GALNT18: variants seen among roughly 807,000 people sequenced by gnomAD.
GALNT18 encodes the protein polypeptide N-acetylgalactosaminyltransferase 18.
Under a neutral mutation model 69.5 loss-of-function variants are expected in GALNT18, and 44 were observed. The observed-to-expected ratio is 0.63, with a 90% CI of 0.50 to 0.81. The LOEUF is 0.81. Ranked by LOEUF, GALNT18 falls within the 40% of genes least tolerant of loss-of-function variation. GALNT18 has a pLI of 0.00. For synonymous variants in GALNT18, 364 were observed against 318.2 expected (o/e 1.14, Z -1.53); for missense variants, 715 against 810.0 (o/e 0.88, Z 1.42).
rs1190037295 is a variant in GALNT18 at position 11,448,932 on chromosome 11, A to T, written c.240T>A (p.Ala80=). The part of the protein sequence containing the change: ...ENVIKQHIQE[A]PAKPEEAEAE... The stretch of plus-strand genomic sequence containing the variant: ...CCTCTGCCTCCTCAGGCTTGGCAGG[A>T]GCCTCTGGAGAAAGAAGGAACAGGA... The change falls in exon 2 of 11, where the codon GCT becomes GCA. Residue 80 remains alanine (A), a synonymous_variant. Transcript: ENST00000227756. 1 of 1,581,374 alleles carries T rather than the reference A, an allele frequency of 6.3e-7. No individual in the cohort carries two copies. The highest frequency in any genetic ancestry group is 8.6e-7 in the Non-Finnish European group (1 of 1,164,410).
rs147797521 is a variant in GALNT18, at chr11:11,417,696, T to C, written c.595+14925A>G. 3.6e-3 allele frequency among the ~76,000 whole-genome samples: 545 copies of C among 152,262 alleles called. 5 individuals are homozygous for C. The highest frequency in any genetic ancestry group is 0.012 in the African/African-American group (493 of 41,572). On this transcript the variant is annotated intron_variant, in intron 3 of 10. Coordinates refer to ENST00000227756, the MANE Select transcript of GALNT18 (RefSeq NM_198516.3). ...TTGCCTTGCATCGGCCCACATCCCA[T>C]ATTCACACTGTCTAGCCTTGTTAGG...
At chr11:11,344,674 C>G (rs1589923223) in intron 6 of GALNT18, among the ~76,000 whole-genome samples, 1 of 152,360 alleles carries the variant, frequency 6.6e-6, no homozygotes. Context: ...GGTTACTTCC[C>G]TCCCAAGCCT....
rs765959645 is a variant in GALNT18 at position 11,546,170 on chromosome 11, G to C, written c.235+75189C>G. On this transcript the variant is annotated intron_variant, in intron 1 of 10. Transcript: ENST00000227756. This position sits in a 1 kb window ranked among gnomAD's most constrained non-coding sequence, Gnocchi z 5.8. ...AGGCTTACAAGCCCAAAGTGAGCCAGTTGTTTGAGCTACCCTTGAGCCACA... is the reference window on the plus strand; with the variant it reads ...AGGCTTACAAGCCCAAAGTGAGCCACTTGTTTGAGCTACCCTTGAGCCACA... 2.6e-5 allele frequency among the ~76,000 whole-genome samples: 4 copies of C among 152,148 alleles called. No individual in the cohort carries two copies. The highest frequency in any genetic ancestry group is 5.9e-5 in the Non-Finnish European group (4 of 68,038).
intron 1 of GALNT18, among the ~76,000 whole-genome samples, chr11:11,495,710 C>T (rs1300081471): frequency 6.6e-6 from 1 of 152,180 alleles, no homozygotes; most frequent in Admixed American, 6.5e-5. Context: ...AACTTGAAGA[C>T]CCACCAGGAA....
chr11:11,491,841 C>T (rs1413766106), intron 1 of GALNT18, among the ~76,000 whole-genome samples: 1 of 152,126 alleles, frequency 6.6e-6, no homozygotes, highest in East Asian at 1.9e-4. Context: ...AGTCACTCCC[C>T]TCCAGAAGCA....
Position 11,536,944 on chromosome 11 carries a change from A to T in GALNT18, c.235+84415T>A, listed in dbSNP as rs1857786768. Among the ~76,000 whole-genome samples, 4 of 152,344 alleles carry T rather than the reference A, an allele frequency of 2.6e-5. No individual in the cohort carries two copies. In the South Asian group the frequency reaches 8.3e-4, roughly 32 times the overall value. On this transcript the variant is annotated intron_variant, in intron 1 of 10. Transcript: ENST00000227756. ...CCTAAGTTTCTTATTTAATTTCCTGAAGTATGTGTGGTGCTGGTTCTTCCT... is the reference window on the plus strand; with the variant it reads ...CCTAAGTTTCTTATTTAATTTCCTGTAGTATGTGTGGTGCTGGTTCTTCCT...
intron 1 of GALNT18, among the ~76,000 whole-genome samples, chr11:11,561,476 G>A (rs1335750010): frequency 6.6e-6 from 1 of 152,224 alleles, no homozygotes; most frequent in Non-Finnish European, 1.5e-5. Flanking sequence ...CAGTTTCCCA[G>A]TCTGCAAAAT....
At chr11:11,560,793 G>A (rs1294840868) in intron 1 of GALNT18, among the ~76,000 whole-genome samples, 1 of 152,146 alleles carries the variant, frequency 6.6e-6, no homozygotes, top group African/African-American at 2.4e-5. Flanking sequence ...GGGCCTCCAG[G>A]GAGCAGAATT....
At chr11:11,588,685 T>A (rs896730098) in intron 1 of GALNT18, among the ~76,000 whole-genome samples, 3 of 152,226 alleles carry the variant, frequency 2.0e-5, no homozygotes, top group African/African-American at 7.2e-5. Flanking sequence ...GTTTCCTCTA[T>A]CCATAGAGGA....
Position 11,396,238 on chromosome 11 carries a change from G to C in GALNT18, c.596-16974C>G, listed in dbSNP as rs1188462516. On this transcript the variant is annotated intron_variant, in intron 3 of 10. Coordinates refer to ENST00000227756, the MANE Select transcript of GALNT18 (RefSeq NM_198516.3). The surrounding 1 kb of genome is among the most constrained non-coding windows in gnomAD (Gnocchi z 5.2). Reference sequence around the variant, plus strand: ...AAAGAACTGGCACGACAGCGGCTGGGTCTGTCAGTGGTGTTCGCAAACAGT... The same window carrying C: ...AAAGAACTGGCACGACAGCGGCTGGCTCTGTCAGTGGTGTTCGCAAACAGT... Among the ~76,000 whole-genome samples, 1 of 152,224 alleles carries C rather than the reference G, an allele frequency of 6.6e-6. No individual in the cohort carries two copies. The highest frequency in any genetic ancestry group is 2.4e-5 in the African/African-American group (1 of 41,454).
rs185386278 is a variant in GALNT18 at position 11,609,378 on chromosome 11, T to C, written c.235+11981A>G. Among the ~76,000 whole-genome samples, 990 of 152,328 alleles carry C rather than the reference T, an allele frequency of 6.5e-3. 11 individuals are homozygous for C. Among genetic ancestry groups the C allele is most frequent in the African/African-American group, 0.022 (929 of 41,572 alleles). Reference sequence around the variant, plus strand: ...TGCCACAGGGGCTTTGCACTGGCTGTTCCCTCCGCCTGGCACTCTCTTCCT... The same window carrying C: ...TGCCACAGGGGCTTTGCACTGGCTGCTCCCTCCGCCTGGCACTCTCTTCCT... On this transcript the variant is annotated intron_variant, in intron 1 of 10. Coordinates refer to ENST00000227756, the MANE Select transcript of GALNT18 (RefSeq NM_198516.3).
At chr11:11,288,671 G>C (rs1056849730) in intron 10 of GALNT18, among the ~76,000 whole-genome samples, 1 of 152,186 alleles carries the variant, frequency 6.6e-6, no homozygotes, top group Admixed American at 6.5e-5. Flanking sequence ...GCACATCAGC[G>C]TTGCCAAGAG....
intron 1 of GALNT18, among the ~76,000 whole-genome samples, chr11:11,528,077 AG>A (rs1857559885): frequency 6.6e-6 from 1 of 152,224 alleles, no homozygotes; most frequent in African/African-American, 2.4e-5. Flanking sequence ...TGAGTCCTAG[AG>A]AATGTTACGG....
chr11:11,473,168 C>T (rs1043316625), intron 1 of GALNT18, among the ~76,000 whole-genome samples: 2 of 152,104 alleles, frequency 1.3e-5, no homozygotes, highest in African/African-American at 4.8e-5. Context: ...CAGAAATACC[C>T]CGGAACTAAA....
intron 1 of GALNT18, among the ~76,000 whole-genome samples, chr11:11,548,045 G>A (rs543702760): frequency 6.6e-6 from 1 of 152,254 alleles, no homozygotes; most frequent in African/African-American, 2.4e-5. Context: ...TGGTGGAAAG[G>A]GCTTGGGGAT....
At chr11:11,352,160 C>A (rs893124948) in intron 6 of GALNT18, 2 of 1,613,512 alleles carry the variant, frequency 1.2e-6, no homozygotes, top group African/African-American at 2.7e-5. Context: ...AATAGGGGTG[C>A]TCCATGGCCT....
intron 9 of GALNT18, among the ~76,000 whole-genome samples, chr11:11,324,294 T>A (rs1462639809): frequency 6.6e-6 from 1 of 152,188 alleles, no homozygotes; most frequent in Non-Finnish European, 1.5e-5. Flanking sequence ...GGAATTCTGC[T>A]CCTGGGCATA....
At chr11:11,607,481 T>C (rs945510357) in intron 1 of GALNT18, among the ~76,000 whole-genome samples, 1 of 152,176 alleles carries the variant, frequency 6.6e-6, no homozygotes, top group African/African-American at 2.4e-5. Flanking sequence ...ATAAGTGCTA[T>C]AAAAAAGTAT....
At chr11:11,492,719 G>A (rs566849138) in intron 1 of GALNT18, among the ~76,000 whole-genome samples, 73 of 149,150 alleles carry the variant, frequency 4.9e-4, no homozygotes, top group African/African-American at 1.7e-3. Flanking sequence ...GACACAGAGA[G>A]GGGACATCAC....
Sources: gnomAD v4.1 joint callset for allele counts (sites outside exome capture counted in the v4.1 genomes callset) on GRCh38, gnomAD v4.1.1 for gene constraint, Gnocchi (gnomAD v3.1) non-coding constraint, MANE v1.5 for transcripts, NCBI Gene and HGNC (gene_info 2026-07-23, HGNC 2026-07-21) for gene names.